Variants in TBL3 observed in about 807,000 individuals in gnomAD.
TBL3 encodes the protein transducin beta like 3.
TBL3 carries 71 observed loss-of-function variants against 102.7 expected under a neutral mutation model. The ratio of observed to expected loss-of-function variants is 0.69; its 90% CI spans 0.57 to 0.84. The LOEUF (loss-of-function observed/expected upper bound fraction) is 0.84, where lower values mean the gene tolerates loss of function less well. Ranked by LOEUF, TBL3 falls within the 40% of genes least tolerant of loss-of-function variation. The pLI, the probability that TBL3 is intolerant of heterozygous loss-of-function variation, is 0.00. For missense variants in TBL3, 1,188 were observed against 1,098.5 expected (o/e 1.08, Z -1.15); for synonymous variants, 578 against 477.7 (o/e 1.21, Z -2.74).
chr16:1,978,624 A>C lies in TBL3; in HGVS notation c.2366A>C (p.Lys789Thr). 6.2e-7 allele frequency: 1 copy of C among 1,612,648 alleles called. No individual in the cohort carries two copies. Residue 789 changes from lysine to threonine, a missense_variant, in exon 22 of 22, where the codon AAG (lysine) becomes ACG (threonine). Coordinates refer to ENST00000568546, the MANE Select transcript of TBL3 (RefSeq NM_006453.3). ...TTGGACTTCCTGTGGCACAACATGAAGCTCCCTGTGCCGGCCGCCGCCCCC... is the reference window on the plus strand; with the variant it reads ...TTGGACTTCCTGTGGCACAACATGACGCTCCCTGTGCCGGCCGCCGCCCCC... ...AFLDFLWHNMKLPVPAAAPTP... is the reference protein window; with the variant it reads ...AFLDFLWHNMTLPVPAAAPTP...
chr16:1,973,365 G>T (rs1454248853), intron 1 of TBL3, among the ~76,000 whole-genome samples: 1 of 152,192 alleles, frequency 6.6e-6, no homozygotes, highest in Non-Finnish European at 1.5e-5. Context: ...GGGAGGTGGA[G>T]CTTGCAGTGA....
In TBL3 at chr16:1,976,277, G is replaced by A. The variant is rs1232676880; in HGVS notation, c.1255G>A (p.Gly419Ser). 23 of 1,613,856 alleles carry A rather than the reference G, an allele frequency of 1.4e-5. No individual in the cohort carries two copies. The highest frequency in any genetic ancestry group is 1.3e-4 in the East Asian group (6 of 44,898). ...GQVMCVAQGSGHTHSVGTVCC... is the reference protein window; with the variant it reads ...GQVMCVAQGSSHTHSVGTVCC... ...GGTGATGTGCGTGGCTCAGGGTTCC[G>A]GTCACACACACAGTGTGGGCACCGT... Residue 419 changes from glycine (G) to serine (S), a missense_variant, in exon 13 of 22, where the codon GGT (glycine) becomes AGT (serine). Coordinates refer to ENST00000568546, the MANE Select transcript of TBL3 (RefSeq NM_006453.3).
At position 1,975,213 on chromosome 16, in the gene TBL3, T is replaced by A. The variant is rs745320179; in HGVS notation, c.662T>A (p.Ile221Asn). The part of the protein sequence containing the change: ...LSSGRDKICI[I>N]WDLQSCQATR... ...TCCGGCCGTGACAAGATATGTATCATCTGGGACCTTCAGAGCTGCCAGGCC... is the reference window on the plus strand; with the variant it reads ...TCCGGCCGTGACAAGATATGTATCAACTGGGACCTTCAGAGCTGCCAGGCC... The change falls in exon 8 of 22, where the codon ATC (isoleucine) becomes AAC (asparagine). Residue 221 changes from isoleucine to asparagine, a missense_variant. Physicochemically the swap from Ile to Asn is moderately radical, Grantham distance 149 (BLOSUM62 -3). Transcript: ENST00000568546. 1.2e-6 allele frequency: 2 copies of A among 1,613,876 alleles called. No individual in the cohort carries two copies. The highest frequency in any genetic ancestry group is 1.7e-6 in the Non-Finnish European group (2 of 1,180,010).
chr16:1,975,838 G>A lies in TBL3; in HGVS notation c.1018G>A (p.Val340Ile). The change falls in exon 11 of 22, where the codon GTC becomes ATC. Residue 340 changes from valine (V) to isoleucine (I), a missense_variant. Val to Ile is a conservative substitution (Grantham distance 29). Coordinates refer to ENST00000568546, the MANE Select transcript of TBL3 (RefSeq NM_006453.3). ...FAGYSEEVLDVRFLGPEDSHV... is the reference protein window; with the variant it reads ...FAGYSEEVLDIRFLGPEDSHV... ...TGGCTACAGTGAGGAGGTTTTGGAT[G>A]TCCGGTTTCTTGGGCCCGAGGACTC... 6.2e-7 allele frequency: 1 copy of A among 1,614,184 alleles called. No individual in the cohort carries two copies. The highest frequency in any genetic ancestry group is 1.1e-5 in the South Asian group (1 of 91,090).
In TBL3 at chr16:1,972,151, G is replaced by A; in HGVS notation, c.-14G>A. Reference sequence around the variant, plus strand: ...ACCCTAGCAGGTTTCAGCTGGAGCGGCGGCGGCGGCAACATGGCAGAGACC... The same window carrying A: ...ACCCTAGCAGGTTTCAGCTGGAGCGACGGCGGCGGCAACATGGCAGAGACC... On this transcript the variant is annotated 5_prime_UTR_variant, in exon 1 of 22. Transcript: ENST00000568546. The A allele has an allele frequency of 6.8e-7, 1 of 1,468,130 alleles. No individual in the cohort carries two copies. The highest frequency in any genetic ancestry group is 1.3e-5 in the South Asian group (1 of 74,862). 90.9% of individuals were successfully genotyped at this position (1,468,130 alleles called of 1,614,324 possible). A position where few individuals can be genotyped will look rare whatever the true frequency, so the allele number is the denominator to read the frequency against.
In TBL3 at chr16:1,975,609, A is replaced by G. The variant is rs145256413; in HGVS notation, c.886A>G (p.Thr296Ala). The part of the protein sequence containing the change: ...AQPPGPGQEL[T>A]HCTLAHTAGV... Reference sequence around the variant, plus strand: ...GCCGCCGGGCCCTGGGCAGGAGCTGACCCACTGCACCCTGGCACACACCGC... The same window carrying G: ...GCCGCCGGGCCCTGGGCAGGAGCTGGCCCACTGCACCCTGGCACACACCGC... Residue 296 changes from threonine to alanine, a missense_variant, in exon 10 of 22, where the codon ACC (threonine) becomes GCC (alanine). Coordinates refer to ENST00000568546, the MANE Select transcript of TBL3 (RefSeq NM_006453.3). The G allele has an allele frequency of 1.2e-6, 2 of 1,602,184 alleles. No homozygotes were observed. Among genetic ancestry groups the G allele is most frequent in the African/African-American group, 2.7e-5 (2 of 75,002 alleles).
rs2083386577 is a variant in TBL3 at position 1,974,829 on chromosome 16, G to T, written c.446G>T (p.Gly149Val). Residue 149 changes from glycine (G) to valine (V), a missense_variant, in exon 6 of 22, where the codon GGC becomes GTC. By Grantham distance (109) the Gly-to-Val change is moderately radical (BLOSUM62 -3). Coordinates refer to ENST00000568546, the MANE Select transcript of TBL3 (RefSeq NM_006453.3). ...VRHYGTHHFR[G>V]SPGVVHLVAF... ...CACTACGGGACACACCACTTCCGAG[G>T]CTCGCCCGGTGTCGTGCAGTGAGTT... 6.2e-7 allele frequency: 1 copy of T among 1,613,242 alleles called. No individual in the cohort carries two copies. The highest frequency in any genetic ancestry group is 1.7e-5 in the Admixed American group (1 of 60,032).
intron 1 of TBL3, 127 bp downstream of exon 1, chr16:1,972,332 CG>C: frequency 9.3e-7 from 1 of 1,073,752 alleles, no homozygotes; most frequent in Non-Finnish European, 1.2e-6. Context: ...CGCCGGCCCG[CG>C]GGGTCGCGGA....
In TBL3 at chr16:1,979,461, A is replaced by T. The variant is rs2083451568; in HGVS notation, c.*776A>T. On this transcript the variant is annotated 3_prime_UTR_variant, in exon 22 of 22. Transcript: ENST00000568546. ...CCAGCCGCGGTCTGACGTTTCCAAC[A>T]CGCGCACGCGCGCCCCCGCGGGCAC... The T allele has an allele frequency of 6.2e-7, 1 of 1,611,148 alleles. No individual in the cohort carries two copies. The highest frequency in any genetic ancestry group is 1.3e-5 in the African/African-American group (1 of 74,838).
chr16:1,980,243 C>G lies in TBL3; in HGVS notation c.*1558C>G. On this transcript the variant is annotated 3_prime_UTR_variant, in exon 22 of 22. Coordinates refer to ENST00000568546, the MANE Select transcript of TBL3 (RefSeq NM_006453.3). Reference sequence around the variant, plus strand: ...GATGGGGAGGGTGAAACTGGGGGCGCCACCCCGGCAAGACCGCCAGCCTCC... The same window carrying G: ...GATGGGGAGGGTGAAACTGGGGGCGGCACCCCGGCAAGACCGCCAGCCTCC... 6.5e-7 allele frequency: 1 copy of G among 1,530,494 alleles called. No individual in the cohort carries two copies. The highest frequency in any genetic ancestry group is 8.8e-7 in the Non-Finnish European group (1 of 1,138,024). The allele number at this position is 1,530,494 out of a possible 1,614,324, so 94.8% of individuals were successfully genotyped here.
Position 1,975,533 on chromosome 16 carries a change from T to A in TBL3, c.810T>A (p.Thr270=). ...GCCCTGTCCCCACCCACACAGGCAC[T>A]CTGCGCGTGTGGGAGGCAGCTTCTG... is the stretch of plus-strand genomic sequence containing the variant. The part of the protein sequence containing the change: ...LYFLTAGDQG[T]LRVWEAASGQ... The change falls in exon 10 of 22, where the codon ACT becomes ACA. Residue 270 remains threonine (T), a synonymous_variant. Transcript: ENST00000568546. 1 of 1,597,904 alleles carries A rather than the reference T, an allele frequency of 6.3e-7. No homozygotes were observed. Among genetic ancestry groups the A allele is most frequent in the South Asian group, 1.1e-5 (1 of 90,840 alleles).
chr16:1,979,192 C>T lies in TBL3; in HGVS notation c.*507C>T, dbSNP rs1169292250. ...GCGCCCGGCGAAGGTCGGGTGGGCACGGTGGGGGGAGGGGCGGTGGCCTGG... is the reference window on the plus strand; with the variant it reads ...GCGCCCGGCGAAGGTCGGGTGGGCATGGTGGGGGGAGGGGCGGTGGCCTGG... On this transcript the variant is annotated 3_prime_UTR_variant, in exon 22 of 22. Coordinates refer to ENST00000568546, the MANE Select transcript of TBL3 (RefSeq NM_006453.3). 8.6e-6 allele frequency: 11 copies of T among 1,274,150 alleles called. No individual in the cohort carries two copies. Among genetic ancestry groups the T allele is most frequent in the Non-Finnish European group, 1.2e-5 (11 of 950,488 alleles). 78.9% of individuals were successfully genotyped at this position (1,274,150 alleles called of 1,614,324 possible).
In TBL3 at chr16:1,979,135, T is replaced by A. The variant is rs543035486; in HGVS notation, c.*450T>A. Reference sequence around the variant, plus strand: ...CGCCGTGGGCGCCGCTCCAGGGCCCTGCGTGTGACGGTGCAGCAGCGGCTC... The same window carrying A: ...CGCCGTGGGCGCCGCTCCAGGGCCCAGCGTGTGACGGTGCAGCAGCGGCTC... On this transcript the variant is annotated 3_prime_UTR_variant, in exon 22 of 22. Coordinates refer to ENST00000568546, the MANE Select transcript of TBL3 (RefSeq NM_006453.3). 2.5e-5 allele frequency: 37 copies of A among 1,468,194 alleles called. No individual in the cohort carries two copies. The South Asian group carries it at 3.9e-4, about 16-fold the overall frequency. The allele number at this position is 1,468,194 out of a possible 1,614,324, so 90.9% of individuals were successfully genotyped here.
rs2083430053 is a variant in TBL3 at position 1,978,777 on chromosome 16, C to T, written c.*92C>T. ...GGCTCTGTCTCTCTGGACTGCAGTC[C>T]AGCCCCCCACCCTGGCCAACACCCT... On this transcript the variant is annotated 3_prime_UTR_variant, in exon 22 of 22. Transcript: ENST00000568546. 1 of 1,483,532 alleles carries T rather than the reference C, an allele frequency of 6.7e-7. No homozygotes were observed. Among genetic ancestry groups the T allele is most frequent in the Admixed American group, 1.9e-5 (1 of 51,392 alleles). The allele number at this position is 1,483,532 out of a possible 1,614,324, so 91.9% of individuals were successfully genotyped here.
Position 1,977,159 on chromosome 16 carries a change from G to T in TBL3, c.1546G>T (p.Val516Phe). 6.2e-7 allele frequency: 1 copy of T among 1,613,084 alleles called. No individual in the cohort carries two copies. Among genetic ancestry groups the T allele is most frequent in the Non-Finnish European group, 8.5e-7 (1 of 1,180,008 alleles). ...WALPQCQLLG[V>F]FSGHRRGLWC... is the part of the protein sequence containing the mutation. ...CCTGCCACAGTGCCAGCTGCTGGGT[G>T]TCTTCTCAGGCCACCGGCGTGGCCT... Residue 516 changes from valine to phenylalanine, a missense_variant, in exon 15 of 22, where the codon GTC (valine) becomes TTC (phenylalanine). Physicochemically the swap from Val to Phe is conservative, Grantham distance 50 (BLOSUM62 -1). Coordinates refer to ENST00000568546, the MANE Select transcript of TBL3 (RefSeq NM_006453.3).
Position 1,979,731 on chromosome 16 carries a change from C to G in TBL3, c.*1046C>G. 2.2e-6 allele frequency: 3 copies of G among 1,358,734 alleles called. No homozygotes were observed. Among genetic ancestry groups the G allele is most frequent in the South Asian group, 1.4e-5 (1 of 71,988 alleles). 84.2% of individuals were successfully genotyped at this position (1,358,734 alleles called of 1,614,324 possible). A position where few individuals can be genotyped will look rare whatever the true frequency, so the allele number is the denominator to read the frequency against. On this transcript the variant is annotated 3_prime_UTR_variant, in exon 22 of 22. Coordinates refer to ENST00000568546, the MANE Select transcript of TBL3 (RefSeq NM_006453.3). Reference sequence around the variant, plus strand: ...CGCCCTGCCCGCGGTGCTTCTGGCCCAGTCTTGCCACACGGTCAAGCCGCA... The same window carrying G: ...CGCCCTGCCCGCGGTGCTTCTGGCCGAGTCTTGCCACACGGTCAAGCCGCA...
Position 1,972,117 on chromosome 16 carries a change from G to A in TBL3, c.-48G>A. 3 of 1,468,186 alleles carry A rather than the reference G, an allele frequency of 2.0e-6. No homozygotes were observed. Among genetic ancestry groups the A allele is most frequent in the Non-Finnish European group, 2.7e-6 (3 of 1,107,576 alleles). 90.9% of individuals were successfully genotyped at this position (1,468,186 alleles called of 1,614,324 possible). Reference sequence around the variant, plus strand: ...TGCTAACCTCCCTCACGCGGCGGTGGCTGCCGGGACCCTAGCAGGTTTCAG... The same window carrying A: ...TGCTAACCTCCCTCACGCGGCGGTGACTGCCGGGACCCTAGCAGGTTTCAG... On this transcript the variant is annotated 5_prime_UTR_variant, in exon 1 of 22. Coordinates refer to ENST00000568546, the MANE Select transcript of TBL3 (RefSeq NM_006453.3).
At position 1,974,982 on chromosome 16, in the gene TBL3, G is replaced by C. The variant is rs373970436; in HGVS notation, c.519G>C (p.Thr173=). The C allele has an allele frequency of 6.2e-7, 1 of 1,608,512 alleles. No homozygotes were observed. ...PTRLLLFSSA[T]DAAIRVWSLQ... Reference sequence around the variant, plus strand: ...GCCTGCTGCTCTTCTCCTCGGCCACGGATGCCGCCATCCGCGTGTGGTCAC... The same window carrying C: ...GCCTGCTGCTCTTCTCCTCGGCCACCGATGCCGCCATCCGCGTGTGGTCAC... The change falls in exon 7 of 22, where the codon ACG becomes ACC. Residue 173 remains threonine, a synonymous_variant. Transcript: ENST00000568546.
chr16:1,976,296 G>A lies in TBL3; in HGVS notation c.1274G>A (p.Gly425Asp). 5 of 1,613,544 alleles carry A rather than the reference G, an allele frequency of 3.1e-6. No individual in the cohort carries two copies. The highest frequency in any genetic ancestry group is 3.4e-6 in the Non-Finnish European group (4 of 1,179,796). Residue 425 changes from glycine (G) to aspartate (D), a missense_variant, in exon 13 of 22, where the codon GGC becomes GAC. Gly to Asp is a moderately conservative substitution (Grantham distance 94, BLOSUM62 -1). Coordinates refer to ENST00000568546, the MANE Select transcript of TBL3 (RefSeq NM_006453.3). ...AQGSGHTHSV[G>D]TVCCSRLKES... Reference sequence around the variant, plus strand: ...GGTTCCGGTCACACACACAGTGTGGGCACCGTCTGCTGCTCTAGGTAGTGA... The same window carrying A: ...GGTTCCGGTCACACACACAGTGTGGACACCGTCTGCTGCTCTAGGTAGTGA...
Sources: gnomAD v4.1 joint callset for allele counts (sites outside exome capture counted in the v4.1 genomes callset) on GRCh38, gnomAD v4.1.1 for gene constraint, MANE v1.5 for transcripts, NCBI Gene and HGNC (gene_info 2026-07-23, HGNC 2026-07-21) for gene names.